The following TBC1D24 variants were observed in gnomAD, a reference collection of about 807,000 sequenced individuals.
TBC1D24 encodes the protein Infantile myoclonic epilepsy.
Under a neutral mutation model 50.7 loss-of-function variants are expected in TBC1D24, and 47 were observed. The observed-to-expected ratio is 0.93, with a 90% CI of 0.73 to 1.18. The LOEUF is 1.18. TBC1D24 is among the 50% of genes most tolerant of loss of function. The pLI is 0.00. For synonymous variants in TBC1D24, 324 were observed against 335.2 expected, an observed-to-expected ratio of 0.97 and a Z score of 0.36; for missense variants, 688 against 766.5, an observed-to-expected ratio of 0.90 and a Z score of 1.21.
intron 1 of TBC1D24, chr16:2,481,094 C>T (rs544072648): frequency 6.6e-6 from 1 of 152,462 alleles, no homozygotes; most frequent in Admixed American, 6.5e-5. Context: ...CGAGGCAGGC[C>T]TTGGCGCTGG....
At position 2,485,699 on chromosome 16, in the gene TBC1D24, G is replaced by A. The variant is rs9933389; in HGVS notation, c.-115-10335G>A. Among the ~76,000 whole-genome samples the A allele has an allele frequency of 0.035, 5,370 of 152,272 alleles. 311 individuals carry two copies. The highest frequency in any genetic ancestry group is 0.12 in the African/African-American group (4,870 of 41,530). On this transcript the variant is annotated intron_variant, in intron 1 of 7. Transcript: ENST00000646147. The surrounding 1 kb of genome is among the most constrained non-coding windows in gnomAD (Gnocchi z 4.6). ...CTCCAGGTAGATGTCTCCCGGTGTC[G>A]GGATTGAATTGGAGGACACCCTGCG...
In TBC1D24 at chr16:2,490,673, T is replaced by C. The variant is rs1444445501; in HGVS notation, c.-115-5361T>C. Among the ~76,000 whole-genome samples, 4 of 152,108 alleles carry C rather than the reference T, an allele frequency of 2.6e-5. No individual in the cohort carries two copies. In the South Asian group the frequency reaches 6.2e-4, roughly 24 times the overall value. ...CTGTTGCCCGTGAGGAGTTGGGTGT[T>C]ATTATCGGCTCCGCTCTGCAGACAT... On this transcript the variant is annotated intron_variant, in intron 1 of 7. Transcript: ENST00000646147.
Position 2,500,250 on chromosome 16 carries a change from A to G in TBC1D24, c.1303-18A>G, listed in dbSNP as rs2141876962. ...GCGAACGCCCGCGCCAGCTCCTCAC[A>G]CTCCCCTTCCACCCCAGCTGCAGCC... is the stretch of plus-strand genomic sequence containing the variant. On this transcript the variant is annotated intron_variant, in intron 6 of 7. Transcript: ENST00000646147. This position sits in a 1 kb window ranked among gnomAD's most constrained non-coding sequence, Gnocchi z 8.0. 5.1e-6 allele frequency: 8 copies of G among 1,583,440 alleles called. No individual in the cohort carries two copies. Among genetic ancestry groups the G allele is most frequent in the Non-Finnish European group, 6.0e-6 (7 of 1,164,542 alleles).
chr16:2,499,800 C>T lies in TBC1D24; in HGVS notation c.1207-35C>T, dbSNP rs768062743. Reference sequence around the variant, plus strand: ...GGAGCACAGGGACGCTCCTGGGGGCCTGCGGGCACAGCCTCACCCAGACCT... The same window carrying T: ...GGAGCACAGGGACGCTCCTGGGGGCTTGCGGGCACAGCCTCACCCAGACCT... On this transcript the variant is annotated intron_variant, in intron 5 of 7. Transcript: ENST00000646147. This position sits in a 1 kb window ranked among gnomAD's most constrained non-coding sequence, Gnocchi z 4.0. The T allele has an allele frequency of 1.3e-6, 2 of 1,586,858 alleles. No homozygotes were observed. The highest frequency in any genetic ancestry group is 2.7e-5 in the African/African-American group (2 of 74,406).
chr16:2,492,541 T>A (rs1244804896), intron 1 of TBC1D24, among the ~76,000 whole-genome samples: 1 of 152,164 alleles, frequency 6.6e-6, no homozygotes, highest in Non-Finnish European at 1.5e-5. Context: ...GGCCTGGAGT[T>A]CCTCCAGAGG....
intron 1 of TBC1D24, among the ~76,000 whole-genome samples, chr16:2,489,911 A>G (rs1392751973): frequency 1.3e-5 from 2 of 152,276 alleles, no homozygotes; most frequent in South Asian, 2.1e-4. Flanking sequence ...CCAGTTTCCC[A>G]CTGCGCTTGG....
Position 2,500,928 on chromosome 16 carries a change from C to T in TBC1D24, c.1650C>T (p.Ala550=). Residue 550 remains alanine, a synonymous_variant, in exon 8 of 8, where the codon GCC becomes GCT. Transcript: ENST00000646147. This position sits in a 1 kb window ranked among gnomAD's most constrained non-coding sequence, Gnocchi z 8.0. ...ACTTCCTCATTGCTGCCGTGGAGGC[C>T]TGGGGCTTCCAGGACCCTGACACCC... ...SENFLIAAVE[A]WGFQDPDTQ 6.2e-7 allele frequency: 1 copy of T among 1,612,436 alleles called. No individual in the cohort carries two copies. Among genetic ancestry groups the T allele is most frequent in the South Asian group, 1.1e-5 (1 of 91,090 alleles).
rs568391405 is a variant in TBC1D24, at chr16:2,504,488, G to A, written c.*3530G>A. The A allele has an allele frequency of 6.3e-5, 9 of 142,666 alleles. No homozygotes were observed. In the East Asian group the frequency reaches 8.2e-4, roughly 13 times the overall value. The allele number at this position is 142,666 out of a possible 1,614,324, so 8.8% of individuals were successfully genotyped here. A position where few individuals can be genotyped will look rare whatever the true frequency, so the allele number is the denominator to read the frequency against. ...GGCTGGAGTGCAGTGGCGCGATCTC[G>A]GCTCACCGCAAGCCCCGCCTCCCGG... On this transcript the variant is annotated 3_prime_UTR_variant, in exon 8 of 8. Coordinates refer to ENST00000646147, the MANE Select transcript of TBC1D24 (RefSeq NM_001199107.2).
intron 1 of TBC1D24, chr16:2,479,691 G>A (rs192806343): frequency 6.6e-6 from 1 of 152,290 alleles, no homozygotes; most frequent in East Asian, 1.9e-4. Flanking sequence ...TAAGGCTTGA[G>A]CTGTTATCTA....
Position 2,475,514 on chromosome 16 carries a change from G to T in TBC1D24, c.-116+344G>T, listed in dbSNP as rs1409717510. Among the ~76,000 whole-genome samples the T allele has an allele frequency of 6.6e-6, 1 of 151,954 alleles. No homozygotes were observed. The highest frequency in any genetic ancestry group is 2.4e-5 in the African/African-American group (1 of 41,414). ...TCACTGTTTCCTTGGGGCGCTTTCCGTCTCCGCAGGGTCGGAAATCCTCTT... is the reference window on the plus strand; with the variant it reads ...TCACTGTTTCCTTGGGGCGCTTTCCTTCTCCGCAGGGTCGGAAATCCTCTT... On this transcript the variant is annotated intron_variant, in intron 1 of 7. Transcript: ENST00000646147. The surrounding 1 kb of genome is among the most constrained non-coding windows in gnomAD (Gnocchi z 4.2).
At position 2,499,656 on chromosome 16, in the gene TBC1D24, G is replaced by A. The variant is rs1425987518; in HGVS notation, c.1207-179G>A. Among the ~76,000 whole-genome samples the A allele has an allele frequency of 6.6e-6, 1 of 152,170 alleles. No individual in the cohort carries two copies. Among genetic ancestry groups the A allele is most frequent in the Non-Finnish European group, 1.5e-5 (1 of 68,010 alleles). ...CCTCATTGCCAGCCCCAAGCCAGGG[G>A]CAGGGTGCACACACCTGCAACACTG... On this transcript the variant is annotated intron_variant, in intron 5 of 7. Transcript: ENST00000646147. The surrounding 1 kb of genome is among the most constrained non-coding windows in gnomAD (Gnocchi z 4.0).
intron 1 of TBC1D24, chr16:2,477,126 A>G (rs1873268407): frequency 6.6e-6 from 1 of 152,276 alleles, no homozygotes; most frequent in Non-Finnish European, 1.5e-5. Flanking sequence ...TAAATGGAAG[A>G]AAGAAGTCCT....
chr16:2,503,460 G>C lies in TBC1D24; in HGVS notation c.*2502G>C, dbSNP rs1337182957. 6.7e-6 allele frequency: 1 copy of C among 149,616 alleles called. No individual in the cohort carries two copies. The highest frequency in any genetic ancestry group is 1.5e-5 in the Non-Finnish European group (1 of 67,736). The allele number at this position is 149,616 out of a possible 1,614,324, so 9.3% of individuals were successfully genotyped here. ...AAAATTAGCCAAAAGTGGCTGCTCT[G>C]CCTATGAAGTAGCCATTCTTTGTTT... On this transcript the variant is annotated 3_prime_UTR_variant, in exon 8 of 8. Transcript: ENST00000646147.
At chr16:2,479,206 G>A (rs938200250) in intron 1 of TBC1D24, 4 of 152,094 alleles carry the variant, frequency 2.6e-5, no homozygotes, top group African/African-American at 9.7e-5. Context: ...CTTTTAATTT[G>A]TCTCTTGGAG....
intron 1 of TBC1D24, among the ~76,000 whole-genome samples, chr16:2,489,790 G>C (rs974659139): frequency 6.6e-6 from 1 of 152,244 alleles, no homozygotes; most frequent in Admixed American, 6.5e-5. Context: ...GTAAGGATGA[G>C]AGCATCCTCA....
chr16:2,476,067 G>T (rs2065565684), intron 1 of TBC1D24, among the ~76,000 whole-genome samples: 1 of 152,260 alleles, frequency 6.6e-6, no homozygotes, highest in East Asian at 1.9e-4. Flanking sequence ...GAAAGGGGGC[G>T]TCAGCCTGCC....
rs1375873676 is a variant in TBC1D24, at chr16:2,503,126, C to G, written c.*2168C>G. 1 of 152,278 alleles carries G rather than the reference C, an allele frequency of 6.6e-6. No individual in the cohort carries two copies. Among genetic ancestry groups the G allele is most frequent in the African/African-American group, 2.4e-5 (1 of 41,478 alleles). 9.4% of individuals were successfully genotyped at this position (152,278 alleles called of 1,614,324 possible). On this transcript the variant is annotated 3_prime_UTR_variant, in exon 8 of 8. Transcript: ENST00000646147. ...GTTAAGTCCAGCAGGTTCTGCGTGG[C>G]TGCCCCCAGGGGGCCCCACCCGGGC...
At chr16:2,493,297 C>G (rs1054660400) in intron 1 of TBC1D24, among the ~76,000 whole-genome samples, 1 of 151,738 alleles carries the variant, frequency 6.6e-6, no homozygotes, top group Non-Finnish European at 1.5e-5. Flanking sequence ...CGCAACCACG[C>G]CCGGCTAGTT....
rs2065639161 is a variant in TBC1D24, at chr16:2,485,114, T to A, written c.-116+9944T>A. 6.6e-6 allele frequency: 1 copy of A among 152,182 alleles called. No individual in the cohort carries two copies. The highest frequency in any genetic ancestry group is 2.1e-4 in the South Asian group (1 of 4,808). 9.4% of individuals were successfully genotyped at this position (152,182 alleles called of 1,614,324 possible). A position where few individuals can be genotyped will look rare whatever the true frequency, so the allele number is the denominator to read the frequency against. ...GTGATGTTGTGAAATATCTATTTGG[T>A]CTTTGTCCTTGTTTAGTGACATACA... On this transcript the variant is annotated intron_variant, in intron 1 of 7. Transcript: ENST00000646147. This position sits in a 1 kb window ranked among gnomAD's most constrained non-coding sequence, Gnocchi z 4.6.
Sources: gnomAD v4.1 joint callset for allele counts (sites outside exome capture counted in the v4.1 genomes callset) on GRCh38, gnomAD v4.1.1 for gene constraint, Gnocchi (gnomAD v3.1) non-coding constraint, MANE v1.5 for transcripts, NCBI Gene and HGNC (gene_info 2026-07-23, HGNC 2026-07-21) for gene names.